Variants in KCNIP4 observed in about 807,000 individuals in gnomAD.
KCNIP4 encodes potassium voltage-gated channel interacting protein 4, also known as Kv channel-interacting protein 4.
KCNIP4 carries 12 observed loss-of-function variants against 34.0 expected under a neutral mutation model. That is an observed-to-expected ratio of 0.35 (90% CI 0.23 to 0.57). The LOEUF (loss-of-function observed/expected upper bound fraction) is 0.57, where lower values mean the gene tolerates loss of function less well. KCNIP4 is among the 20% of genes least tolerant of loss of function. The probability of loss-of-function intolerance (pLI) is 0.83; values close to 1 mark genes in which losing one functional copy is unlikely to be tolerated. For synonymous variants in KCNIP4, 124 were observed against 102.2 expected (o/e 1.21, Z -1.29); for missense variants, 238 against 311.7 (o/e 0.76, Z 1.78).
chr4:21,065,757 TATATATATAA>T (rs1393392930), intron 1 of KCNIP4, among the ~76,000 whole-genome samples: 92 of 130,844 alleles, frequency 7.0e-4, no homozygotes, highest in African/African-American at 2.3e-3. Context: ...TATATATATA[TATATATATAA>T]CTCAATTTTA....
chr4:21,732,027 A>AT (rs1715640060), intron 1 of KCNIP4, among the ~76,000 whole-genome samples: 1 of 150,538 alleles, frequency 6.6e-6, no homozygotes, highest in African/African-American at 2.4e-5. Flanking sequence ...TATATATAAA[A>AT]ATATATATAT....
chr4:20,991,763 A>T lies in KCNIP4; in HGVS notation c.62-109054T>A, dbSNP rs78966391. ...AAATGGAACAAGTGGTTTTAAAAGT[A>T]TGACAAATGGCATCTCCATGGATGT... On this transcript the variant is annotated intron_variant, in intron 1 of 8. Transcript: ENST00000382152. 4.0e-3 allele frequency among the ~76,000 whole-genome samples: 610 copies of T among 152,336 alleles called. 4 individuals carry two copies. The highest frequency in any genetic ancestry group is 0.036 in the East Asian group (185 of 5,174).
At chr4:21,417,570 A>G (rs1725069281) in intron 1 of KCNIP4, among the ~76,000 whole-genome samples, 1 of 152,176 alleles carries the variant, frequency 6.6e-6, no homozygotes. Context: ...GAGGAAGCTC[A>G]TGATCTCCTG....
At chr4:21,041,230 TCACACACACA>T (rs57664737) in intron 1 of KCNIP4, among the ~76,000 whole-genome samples, 1,932 of 144,754 alleles carry the variant, frequency 0.013, 17 homozygotes, top group Admixed American at 0.019. Flanking sequence ...GATATATATT[TCACACACACA>T]CACACACACA....
intron 1 of KCNIP4, among the ~76,000 whole-genome samples, chr4:21,422,673 G>GTT (rs1236406594): frequency 6.6e-6 from 1 of 151,796 alleles, no homozygotes; most frequent in African/African-American, 2.4e-5. Context: ...GTGTGTGTGT[G>GTT]TGTGTGTGTG....
rs557700371 is a variant in KCNIP4, at chr4:21,153,297, G to A, written c.62-270588C>T. 3.9e-5 allele frequency among the ~76,000 whole-genome samples: 6 copies of A among 152,090 alleles called. No homozygotes were observed. The South Asian group carries it at 1.2e-3, about 32-fold the overall frequency. On this transcript the variant is annotated intron_variant, in intron 1 of 8. Coordinates refer to ENST00000382152, the MANE Select transcript of KCNIP4 (RefSeq NM_025221.6). ...TATTTATTTTCCTGAAACCTTGCCA[G>A]CTGAGTGTATTTTCATATTTTGTAT...
intron 1 of KCNIP4, among the ~76,000 whole-genome samples, chr4:21,871,783 C>A (rs1362213562): frequency 7.0e-6 from 1 of 143,270 alleles, no homozygotes; most frequent in African/African-American, 2.6e-5. Context: ...CACCCACCCC[C>A]ACCCCCCGCC....
chr4:21,648,331 T>C (rs1190884950), intron 1 of KCNIP4, among the ~76,000 whole-genome samples: 4 of 152,204 alleles, frequency 2.6e-5, no homozygotes, highest in Non-Finnish European at 5.9e-5. Flanking sequence ...ATGTGGCAAG[T>C]GTTTTAATTT....
intron 1 of KCNIP4, among the ~76,000 whole-genome samples, chr4:21,581,706 T>C (rs1741211328): frequency 6.6e-6 from 1 of 151,990 alleles, no homozygotes; most frequent in Non-Finnish European, 1.5e-5. Context: ...AGCATTATTA[T>C]TTATATTATC....
chr4:21,205,627 C>G (rs1172272166), intron 1 of KCNIP4, among the ~76,000 whole-genome samples: 1 of 152,182 alleles, frequency 6.6e-6, no homozygotes, highest in Non-Finnish European at 1.5e-5. Flanking sequence ...ACGTGCTTTA[C>G]AAATACTAAC....
At chr4:21,810,418 C>T (rs758098256) in intron 1 of KCNIP4, among the ~76,000 whole-genome samples, 11 of 152,054 alleles carry the variant, frequency 7.2e-5, no homozygotes, top group African/African-American at 2.2e-4. Context: ...TGGCTGGGCG[C>T]GGTGGCTCAA....
rs973288913 is a variant in KCNIP4, at chr4:20,945,126, A to T, written c.62-62417T>A. On this transcript the variant is annotated intron_variant, in intron 1 of 8. Coordinates refer to ENST00000382152, the MANE Select transcript of KCNIP4 (RefSeq NM_025221.6). The stretch of plus-strand genomic sequence containing the variant: ...TCCAGAGTGTGGTTGATGAACCAGC[A>T]GCTTGGACATCCTTTGGGAGCTGTG... Among the ~76,000 whole-genome samples, 43 of 152,154 alleles carry T rather than the reference A, an allele frequency of 2.8e-4. 1 individual carries two copies. The highest frequency in any genetic ancestry group is 3.9e-4 in the Admixed American group (6 of 15,278).
intron 1 of KCNIP4, among the ~76,000 whole-genome samples, chr4:21,263,078 T>G (rs1250693213): frequency 6.6e-6 from 1 of 152,200 alleles, no homozygotes; most frequent in Non-Finnish European, 1.5e-5. Flanking sequence ...TAGCTTCTGA[T>G]CAGAATTCAG....
chr4:21,544,796 T>C (rs575579359), intron 1 of KCNIP4: 1 of 152,318 alleles, frequency 6.6e-6, no homozygotes, highest in South Asian at 2.1e-4. Flanking sequence ...CCAGCAGCTG[T>C]TGGGGCTGTT....
At chr4:21,653,886 T>G (rs2108975605) in intron 1 of KCNIP4, among the ~76,000 whole-genome samples, 1 of 152,312 alleles carries the variant, frequency 6.6e-6, no homozygotes, top group South Asian at 2.1e-4. Flanking sequence ...GTTATTTTTA[T>G]TTTTTGCTCC....
chr4:21,345,340 A>T (rs1338442344), intron 1 of KCNIP4, among the ~76,000 whole-genome samples: 1 of 152,112 alleles, frequency 6.6e-6, no homozygotes, highest in Non-Finnish European at 1.5e-5. Context: ...CCCAACCAAC[A>T]GTTTGTCTGC....
At chr4:21,457,553 G>A (rs973645715) in intron 1 of KCNIP4, among the ~76,000 whole-genome samples, 1 of 151,932 alleles carries the variant, frequency 6.6e-6, no homozygotes, top group Non-Finnish European at 1.5e-5. Context: ...TTCTGGTATT[G>A]GGGAGTGGTG....
At chr4:21,323,657 T>C (rs1714731228) in intron 1 of KCNIP4, among the ~76,000 whole-genome samples, 1 of 152,082 alleles carries the variant, frequency 6.6e-6, no homozygotes, top group Non-Finnish European at 1.5e-5. Context: ...CCTTTATCCA[T>C]TTGTTTTTGA....
chr4:21,943,805 A>G (rs993577203), intron 1 of KCNIP4, among the ~76,000 whole-genome samples: 1 of 151,906 alleles, frequency 6.6e-6, no homozygotes, highest in African/African-American at 2.4e-5. Context: ...ATAGGATGTA[A>G]CCCTCATGGC....
Sources: allele counts gnomAD v4.1 joint callset (sites outside exome capture counted in the v4.1 genomes callset), GRCh38; gene constraint gnomAD v4.1.1; transcripts MANE v1.5; gene names NCBI Gene and HGNC (gene_info 2026-07-23, HGNC 2026-07-21).